The following TMCC1 variants were observed in gnomAD, a reference collection of about 807,000 sequenced individuals.
TMCC1 encodes the protein transmembrane and coiled-coil domain family 1, also known as transmembrane and coiled-coil domains protein 1.
A neutral mutation model predicts 52.4 loss-of-function variants in TMCC1; 15 were observed. The observed-to-expected ratio is 0.29, with a 90% confidence interval of 0.19 to 0.44. The LOEUF (loss-of-function observed/expected upper bound fraction) is 0.44, where lower values mean the gene tolerates loss of function less well. TMCC1 is among the 20% of genes least tolerant of loss of function. The probability of loss-of-function intolerance (pLI) is 1.00; values close to 1 mark genes in which losing one functional copy is unlikely to be tolerated. For synonymous variants in TMCC1, 279 were observed against 301.9 expected (o/e 0.92, Z 0.79); for missense variants, 503 against 806.0 (o/e 0.62, Z 4.55).
chr3:129,681,344 T>C lies in TMCC1; in HGVS notation c.577-10080A>G, dbSNP rs918098516. Among the ~76,000 whole-genome samples, 31 of 152,158 alleles carry C rather than the reference T, an allele frequency of 2.0e-4. 1 individual carries two copies. Among genetic ancestry groups the C allele is most frequent in the Non-Finnish European group, 3.1e-4 (21 of 68,042 alleles). ...AGTAAATAATATAGTTTGGTCAATA[T>C]TTAGGGAAAGTATAGGAATACTCAC... On this transcript the variant is annotated intron_variant, in intron 4 of 6. Transcript: ENST00000393238.
Position 129,666,871 on chromosome 3 carries a change from C to T in TMCC1, c.1511+3459G>A, listed in dbSNP as rs114445156. 3.1e-3 allele frequency among the ~76,000 whole-genome samples: 476 copies of T among 152,078 alleles called. 6 individuals are homozygous for T. Among genetic ancestry groups the T allele is most frequent in the African/African-American group, 0.011 (455 of 41,500 alleles). On this transcript the variant is annotated intron_variant, in intron 5 of 6. Coordinates refer to ENST00000393238, the MANE Select transcript of TMCC1 (RefSeq NM_001017395.5). ...CTTGAGCCCAGGAGTTCAAGACCAG[C>T]AAGGCAACATAGCAAGACCCTGACT... is the stretch of plus-strand genomic sequence containing the variant.
At chr3:129,750,212 C>T (rs556227761) in intron 4 of TMCC1, among the ~76,000 whole-genome samples, 1 of 152,148 alleles carries the variant, frequency 6.6e-6, no homozygotes, top group South Asian at 2.1e-4. Flanking sequence ...TATTTTGAGA[C>T]AAAGTTTTGC....
At chr3:129,785,844 T>C (rs1343237403) in intron 4 of TMCC1, among the ~76,000 whole-genome samples, 2 of 151,970 alleles carry the variant, frequency 1.3e-5, no homozygotes, top group South Asian at 2.1e-4. Flanking sequence ...AGCAACCCCA[T>C]TACCTTAAAT....
At chr3:129,804,337 G>A (rs1056187661) in intron 4 of TMCC1, among the ~76,000 whole-genome samples, 5 of 151,986 alleles carry the variant, frequency 3.3e-5, no homozygotes, top group African/African-American at 4.8e-5. Context: ...ACATTTTTTT[G>A]TGCTATTCTT....
intron 2 of TMCC1, among the ~76,000 whole-genome samples, chr3:129,850,092 T>C (rs1344617068): frequency 6.6e-6 from 1 of 151,930 alleles, no homozygotes; most frequent in Non-Finnish European, 1.5e-5. Flanking sequence ...TAATTCCTGA[T>C]AGAAAAAAAA....
intron 4 of TMCC1, among the ~76,000 whole-genome samples, chr3:129,696,401 G>C (rs980475656): frequency 1.3e-5 from 2 of 152,186 alleles, no homozygotes; most frequent in African/African-American, 4.8e-5. Context: ...GTATTTGATT[G>C]ATGTCTCATG....
intron 2 of TMCC1, among the ~76,000 whole-genome samples, chr3:129,874,827 AGCT>A (rs1406301026): frequency 6.6e-6 from 1 of 152,240 alleles, no homozygotes; most frequent in Admixed American, 6.5e-5. Flanking sequence ...ACTGCACTCC[AGCT>A]GAGCAAGAGC....
intron 4 of TMCC1, among the ~76,000 whole-genome samples, chr3:129,817,600 T>A (rs903360109): frequency 5.3e-5 from 8 of 152,126 alleles, no homozygotes; most frequent in Admixed American, 2.6e-4. Context: ...CTATCCCACA[T>A]CTTCATATTT....
chr3:129,714,812 C>T (rs142596784), intron 4 of TMCC1, among the ~76,000 whole-genome samples: 139 of 152,320 alleles, frequency 9.1e-4, no homozygotes, highest in East Asian at 3.9e-3. Context: ...CATTCTTCCA[C>T]CCATCTATCA....
intron 2 of TMCC1, among the ~76,000 whole-genome samples, chr3:129,855,151 G>T (rs1272481636): frequency 6.6e-6 from 1 of 152,154 alleles, no homozygotes; most frequent in Non-Finnish European, 1.5e-5. Context: ...GTTTACTTAT[G>T]ACAGGCCTTC....
chr3:129,881,909 C>T (rs1181320563), intron 1 of TMCC1, among the ~76,000 whole-genome samples: 2 of 152,090 alleles, frequency 1.3e-5, no homozygotes, highest in African/African-American at 4.8e-5. Context: ...AACTGGAATC[C>T]GAGGAGCGAT....
chr3:129,876,386 ATAACC>A (rs546642154), intron 2 of TMCC1, among the ~76,000 whole-genome samples: 432 of 152,152 alleles, frequency 2.8e-3, no homozygotes, highest in Middle Eastern at 0.014. Context: ...TTTCAGCCCT[ATAACC>A]TAAGAAAGAA....
intron 1 of TMCC1, among the ~76,000 whole-genome samples, chr3:129,885,338 G>A (rs1373400462): frequency 1.3e-5 from 2 of 151,614 alleles, no homozygotes; most frequent in Non-Finnish European, 3.0e-5. Context: ...ACAAAGCTTT[G>A]GGGTCAGGTG....
At chr3:129,663,239 C>G (rs905744182) in intron 5 of TMCC1, among the ~76,000 whole-genome samples, 2 of 152,134 alleles carry the variant, frequency 1.3e-5, no homozygotes, top group African/African-American at 4.8e-5. Context: ...GGAGCCATCT[C>G]TGAGAACCAA....
intron 4 of TMCC1, among the ~76,000 whole-genome samples, chr3:129,822,646 T>C (rs1560490982): frequency 6.6e-6 from 1 of 152,200 alleles, no homozygotes. Flanking sequence ...TTCTCTGGCA[T>C]GCTCAACCAG....
rs1481392574 is a variant in TMCC1 at position 129,828,766 on chromosome 3, T to C, written c.-130-258A>G. On this transcript the variant is annotated intron_variant, in intron 3 of 6. Coordinates refer to ENST00000393238, the MANE Select transcript of TMCC1 (RefSeq NM_001017395.5). This position sits in a 1 kb window ranked among gnomAD's most constrained non-coding sequence, Gnocchi z 4.1. ...AGCAATGTTCAAAAGCAAAAATCCC[T>C]ACAAGATTCAATATATACAGAATTA... Among the ~76,000 whole-genome samples, 1 of 152,176 alleles carries C rather than the reference T, an allele frequency of 6.6e-6. No homozygotes were observed. The highest frequency in any genetic ancestry group is 2.4e-5 in the African/African-American group (1 of 41,450).
chr3:129,890,665 C>T (rs985937384), intron 1 of TMCC1, among the ~76,000 whole-genome samples: 6 of 152,176 alleles, frequency 3.9e-5, no homozygotes, highest in African/African-American at 1.4e-4. Flanking sequence ...AGTCTGAAGG[C>T]CCAGATACCT....
At chr3:129,877,625 T>G (rs1217254711) in intron 2 of TMCC1, among the ~76,000 whole-genome samples, 2 of 112,404 alleles carry the variant, frequency 1.8e-5, no homozygotes, top group South Asian at 5.6e-4. Flanking sequence ...TCCCTAAGTC[T>G]TTTTTTTTTT....
intron 4 of TMCC1, among the ~76,000 whole-genome samples, chr3:129,695,396 G>A (rs1471616172): frequency 6.6e-6 from 1 of 152,156 alleles, no homozygotes; most frequent in Non-Finnish European, 1.5e-5. Context: ...CTGTTCTCAT[G>A]CTGCTAATAA....
Sources: allele counts gnomAD v4.1 joint callset (sites outside exome capture counted in the v4.1 genomes callset), GRCh38; gene constraint gnomAD v4.1.1; non-coding constraint Gnocchi (gnomAD v3.1); transcripts MANE v1.5; gene names NCBI Gene and HGNC (gene_info 2026-07-23, HGNC 2026-07-21).